TTLL5: variants seen among roughly 807,000 people sequenced by gnomAD.
TTLL5 encodes tubulin tyrosine ligase like 5.
TTLL5 carries 132 observed loss-of-function variants against 168.4 expected under a neutral mutation model. That is an observed-to-expected ratio of 0.78 (90% CI 0.68 to 0.91). The LOEUF is 0.91. TTLL5 is among the 40% of genes least tolerant of loss of function. TTLL5 has a pLI of 0.00. For synonymous variants in TTLL5, 546 were observed against 558.6 expected, an observed-to-expected ratio of 0.98 and a Z score of 0.32; for missense variants, 1,545 against 1,581.5, an observed-to-expected ratio of 0.98 and a Z score of 0.39.
Position 75,874,933 on chromosome 14 carries a change from C to CTTTTTTTTTTTTTTTTTTTTTTTTT in TTLL5, c.3523-7734_3523-7733insTTTTTTTTTTTTTTTTTTTTTTTTT, listed in dbSNP as rs1555353208. On this transcript the variant is annotated intron_variant, in intron 29 of 31. Transcript: ENST00000298832. ...AGAGAAAAAAAAAGACACTGGGGGC[C>CTTTTTTTTTTTTTTTTTTTTTTTTT]TTTTTTTTTTTTTTTTTTGAGACGG... Among the ~76,000 whole-genome samples the CTTTTTTTTTTTTTTTTTTTTTTTTT allele has an allele frequency of 3.1e-4, 30 of 97,534 alleles. 2 individuals are homozygous for CTTTTTTTTTTTTTTTTTTTTTTTTT. Among genetic ancestry groups the CTTTTTTTTTTTTTTTTTTTTTTTTT allele is most frequent in the East Asian group, 1.2e-3 (3 of 2,432 alleles). 64.0% of individuals were successfully genotyped at this position (97,534 alleles called of 152,430 possible).
intron 31 of TTLL5, among the ~76,000 whole-genome samples, chr14:75,932,809 T>G (rs2034317512): frequency 1.3e-5 from 2 of 152,202 alleles, no homozygotes; most frequent in South Asian, 4.1e-4. Flanking sequence ...TCAAAATAGT[T>G]GCCATGTCTT....
intron 29 of TTLL5, among the ~76,000 whole-genome samples, chr14:75,877,966 C>T (rs1297379988): frequency 6.6e-6 from 1 of 152,204 alleles, no homozygotes; most frequent in Non-Finnish European, 1.5e-5. Flanking sequence ...CCCACTTAGC[C>T]TTGGCTTTGG....
At chr14:75,933,941 A>G (rs937917826) in intron 31 of TTLL5, among the ~76,000 whole-genome samples, 2 of 152,198 alleles carry the variant, frequency 1.3e-5, no homozygotes, top group African/African-American at 4.8e-5. Context: ...CAAGGAAGGA[A>G]CCAAACCAGC....
At chr14:75,737,157 A>C (rs1888963889) in intron 15 of TTLL5, among the ~76,000 whole-genome samples, 1 of 152,222 alleles carries the variant, frequency 6.6e-6, no homozygotes, top group Non-Finnish European at 1.5e-5. Context: ...CAAACTCTAG[A>C]AAATCTGTTC....
chr14:75,825,120 A>T (rs1895049891), intron 28 of TTLL5, among the ~76,000 whole-genome samples: 1 of 152,136 alleles, frequency 6.6e-6, no homozygotes, highest in African/African-American at 2.4e-5. Context: ...GATTAAACTG[A>T]GTTGTGTATG....
chr14:75,778,763 G>A (rs923085556), intron 23 of TTLL5, among the ~76,000 whole-genome samples: 1 of 152,176 alleles, frequency 6.6e-6, no homozygotes, highest in African/African-American at 2.4e-5. Context: ...TGTGTGATAT[G>A]TTCAATAGAA....
chr14:75,927,039 G>A (rs545341443), intron 31 of TTLL5, among the ~76,000 whole-genome samples: 1 of 152,318 alleles, frequency 6.6e-6, no homozygotes, highest in East Asian at 1.9e-4. Context: ...TCTTTTTGGA[G>A]TAATGAAAAT....
At chr14:75,667,751 GTTT>G (rs67181555) in intron 2 of TTLL5, among the ~76,000 whole-genome samples, 1 of 89,092 alleles carries the variant, frequency 1.1e-5, no homozygotes. Context: ...ATCTTTTTAT[GTTT>G]TTTTTTTTTT....
chr14:75,685,354 T>C (rs9323616), intron 5 of TTLL5, among the ~76,000 whole-genome samples: 87,409 of 144,582 alleles, frequency 0.6, 27,374 homozygotes, highest in Non-Finnish European at 0.7. Flanking sequence ...CCAGCCTGGG[T>C]AACACAGAGA....
rs1471251279 is a variant in TTLL5, at chr14:75,872,580, A to G, written c.3522+8718A>G. ...GGTTGGGAGGGATAAATGAGATAAC[A>G]TAAAGCACTTAAAGCAATGCCTGAC... On this transcript the variant is annotated intron_variant, in intron 29 of 31. Transcript: ENST00000298832. 2.0e-5 allele frequency among the ~76,000 whole-genome samples: 3 copies of G among 152,154 alleles called. No individual in the cohort carries two copies. The East Asian group carries it at 5.8e-4, about 29-fold the overall frequency.
chr14:75,872,005 G>T (rs969682140), intron 29 of TTLL5, among the ~76,000 whole-genome samples: 6 of 152,062 alleles, frequency 3.9e-5, no homozygotes, highest in African/African-American at 1.4e-4. Context: ...AGGAGAACGG[G>T]GCCCTGATAT....
At chr14:75,764,847 G>C in intron 19 of TTLL5, 75 bp downstream of exon 19, 4 of 1,536,532 alleles carry the variant, frequency 2.6e-6, no homozygotes, top group Non-Finnish European at 3.6e-6. Flanking sequence ...TGCTTACTCA[G>C]TATTTCATGA....
chr14:75,931,896 T>C (rs1156517509), intron 31 of TTLL5, among the ~76,000 whole-genome samples: 1 of 152,218 alleles, frequency 6.6e-6, no homozygotes, highest in Non-Finnish European at 1.5e-5. Context: ...TGTTTTATTT[T>C]ATTTTACTTA....
intron 28 of TTLL5, among the ~76,000 whole-genome samples, chr14:75,844,844 T>C (rs1017801389): frequency 6.6e-6 from 1 of 152,220 alleles, no homozygotes; most frequent in Non-Finnish European, 1.5e-5. Flanking sequence ...GTTAAAGCTG[T>C]TGTGCAGTGC....
At chr14:75,729,885 C>A (rs548734697) in intron 12 of TTLL5, among the ~76,000 whole-genome samples, 1 of 152,274 alleles carries the variant, frequency 6.6e-6, no homozygotes, top group South Asian at 2.1e-4. Context: ...AACTGAGATT[C>A]TTGGAATTTG....
chr14:75,750,969 G>C (rs1354894983), intron 17 of TTLL5, among the ~76,000 whole-genome samples: 1 of 152,186 alleles, frequency 6.6e-6, no homozygotes, highest in East Asian at 1.9e-4. Flanking sequence ...CATAGGCATT[G>C]TGACGTGGTG....
chr14:75,707,576 CAAAT>C (rs768886917), intron 8 of TTLL5, 43 bp from the exon 9 acceptor site: 3 of 1,557,094 alleles, frequency 1.9e-6, no homozygotes, highest in South Asian at 2.3e-5. Context: ...TAACAGGAAA[CAAAT>C]GAACTTAGTT....
rs1159674027 is a variant in TTLL5, at chr14:75,745,095, C to A, written c.1282C>A (p.Arg428Ser). 6.2e-7 allele frequency: 1 copy of A among 1,613,498 alleles called. No homozygotes were observed. ...ACTATTTTCATTTTCTTCTCCTTAG[C>A]GTTGCCGTCCACTCTCTGCCAGTGA... ...SRRNPFQKPQ[R>S]CRPLSASDAE... Residue 428 changes from arginine (R) to serine (S), a missense_variant and splice_region_variant, in exon 16 of 32, where the codon CGT (arginine) becomes AGT (serine). Physicochemically the swap from Arg to Ser is moderately radical, Grantham distance 110. Transcript: ENST00000298832.
intron 27 of TTLL5, among the ~76,000 whole-genome samples, chr14:75,811,339 TTATC>T (rs1357938613): frequency 2.0e-5 from 3 of 152,052 alleles, no homozygotes; most frequent in Non-Finnish European, 2.9e-5. Flanking sequence ...CCCAAGCTGT[TTATC>T]TGTCTGTCCC....
Sources: gnomAD v4.1 joint callset for allele counts (sites outside exome capture counted in the v4.1 genomes callset) on GRCh38, gnomAD v4.1.1 for gene constraint, MANE v1.5 for transcripts, NCBI Gene and HGNC (gene_info 2026-07-23, HGNC 2026-07-21) for gene names.